ZNF44: variants seen among roughly 807,000 people sequenced by gnomAD.
ZNF44 encodes zinc finger protein 44.
In ZNF44, 9 loss-of-function variants were observed where a neutral mutation model predicts 11.7. The ratio of observed to expected loss-of-function variants is 0.77; its 90% CI spans 0.46 to 1.35. ZNF44 has a LOEUF of 1.35. Among genes scored for constraint, ZNF44 ranks in the 40% most tolerant of loss-of-function variants. ZNF44 has a pLI of 0.00. For missense variants in ZNF44, 696 were observed against 743.1 expected, an observed-to-expected ratio of 0.94 and a Z score of 0.74; for synonymous variants, 224 against 242.7, an observed-to-expected ratio of 0.92 and a Z score of 0.72.
intron 1 of ZNF44, 83 bp from the exon 2 acceptor site, chr19:12,276,165 G>A (rs780311402): frequency 5.8e-6 from 9 of 1,544,360 alleles, no homozygotes; most frequent in African/African-American, 1.4e-5. Context: ...AACTTCCCAT[G>A]ATGCTGTGGT....
Position 12,288,786 on chromosome 19 carries a change from A to G in ZNF44, c.3+5906T>C, listed in dbSNP as rs1398619190. Among the ~76,000 whole-genome samples the G allele has an allele frequency of 3.3e-4, 43 of 129,376 alleles. 2 individuals carry two copies. Among genetic ancestry groups the G allele is most frequent in the East Asian group, 1.2e-3 (5 of 4,264 alleles). 84.9% of individuals were successfully genotyped at this position (129,376 alleles called of 152,430 possible). On this transcript the variant is annotated intron_variant, in intron 1 of 3. Coordinates refer to ENST00000355684, the MANE Select transcript of ZNF44 (RefSeq NM_016264.4). ...AAAAAAAAAAAATGTATATATATAT[A>G]TATATATATATATATATATGAAATC...
chr19:12,269,167 C>T (rs1346284632), downstream of ZNF44, among the ~76,000 whole-genome samples: 1 of 152,176 alleles, frequency 6.6e-6, no homozygotes, highest in Non-Finnish European at 1.5e-5. Flanking sequence ...GAGTGAGCGA[C>T]CACTGCTGGA....
At chr19:12,267,263 C>T (rs1265719821), downstream of ZNF44, among the ~76,000 whole-genome samples, 3 of 151,940 alleles carry the variant, frequency 2.0e-5, no homozygotes, top group South Asian at 2.1e-4. Flanking sequence ...AGGCTGGTCT[C>T]GAACTCCTGA....
In ZNF44 at chr19:12,276,096, T is replaced by C. The variant is rs762675995; in HGVS notation, c.4-14A>G. 9 of 1,597,732 alleles carry C rather than the reference T, an allele frequency of 5.6e-6. No homozygotes were observed. The South Asian group carries it at 8.8e-5, about 16-fold the overall frequency. ...GGCCACTGAGTCCTGAAACATCCCA[T>C]ATGTCCAGAAAAGGAAGGTTGAAAC... On this transcript the variant is annotated splice_polypyrimidine_tract_variant and intron_variant, in intron 1 of 3. Transcript: ENST00000355684.
At chr19:12,266,148 C>T (rs1190188023) in intron 5 of ZNF44, 6 of 649,322 alleles carry the variant, frequency 9.2e-6, no homozygotes, top group East Asian at 1.4e-4. Context: ...GACCGAGGGC[C>T]GAGCTGTGCC....
intron 2 of ZNF44, 49 bp from the exon 3 acceptor site, chr19:12,275,082 C>A (rs775567523): frequency 7.1e-7 from 1 of 1,401,802 alleles, no homozygotes. Flanking sequence ...CAAAATGATA[C>A]AAAAATTGTT....
At chr19:12,259,493 C>T (rs1917406412) in intron 5 of ZNF44, among the ~76,000 whole-genome samples, 1 of 152,200 alleles carries the variant, frequency 6.6e-6, no homozygotes, top group African/African-American at 2.4e-5. Flanking sequence ...TCCTTTAATA[C>T]ATTTCCAACT....
intron 1 of ZNF44, 87 bp from the exon 2 acceptor site, chr19:12,276,169 C>T (rs1967211593): frequency 2.6e-6 from 4 of 1,538,698 alleles, no homozygotes; most frequent in Non-Finnish European, 3.5e-6. Context: ...TCCCATGATG[C>T]TGTGGTTTCC....
chr19:12,251,957 A>G (rs921665011), intron 5 of ZNF44, among the ~76,000 whole-genome samples: 3 of 152,036 alleles, frequency 2.0e-5, no homozygotes, highest in Admixed American at 6.5e-5. Flanking sequence ...AGGCTGAGGC[A>G]GGATAATTGC....
chr19:12,282,710 A>G (rs1967534874), intron 1 of ZNF44, among the ~76,000 whole-genome samples: 1 of 152,122 alleles, frequency 6.6e-6, no homozygotes, highest in South Asian at 2.1e-4. Context: ...GGCATGAGAT[A>G]CCACGCCTGG....
intron 1 of ZNF44, among the ~76,000 whole-genome samples, chr19:12,288,780 A>G (rs369173186): frequency 2.3e-4 from 27 of 115,504 alleles, no homozygotes; most frequent in Admixed American, 4.8e-4. Flanking sequence ...AAATGTATAT[A>G]TATATATATA....
At chr19:12,288,694 G>T (rs1967860159) in intron 1 of ZNF44, among the ~76,000 whole-genome samples, 1 of 146,920 alleles carries the variant, frequency 6.8e-6, no homozygotes, top group South Asian at 2.2e-4. Flanking sequence ...GGAGGCGGAG[G>T]TTGCAGTGAG....
At chr19:12,267,868 G>T (rs1389385132), downstream of ZNF44, among the ~76,000 whole-genome samples, 3 of 147,008 alleles carry the variant, frequency 2.0e-5, no homozygotes, top group Admixed American at 1.4e-4. Context: ...ACAGAGTCTT[G>T]CTCTGTCAAC....
exon 8 of ZNF44, chr19:12,248,235 G>A: frequency 1.5e-6 from 2 of 1,301,638 alleles, no homozygotes; most frequent in Non-Finnish European, 2.0e-6. Context: ...ATGTTTTTGA[G>A]CAGATTGGTG....
exon 4 of ZNF44, chr19:12,226,369 TACCACAGATCGGAA>T (rs571390094): frequency 3.3e-5 from 5 of 152,324 alleles, no homozygotes; most frequent in South Asian, 4.1e-4. Context: ...ATTCTTTACT[TACCACAGATCGGAA>T]ACCCTGTACA....
chr19:12,257,076 A>G (rs1015732648), intron 5 of ZNF44, among the ~76,000 whole-genome samples: 16 of 152,192 alleles, frequency 1.1e-4, no homozygotes, highest in African/African-American at 3.9e-4. Flanking sequence ...AGATCTTGCC[A>G]GCAAAGACTG....
In ZNF44 at chr19:12,274,042, A is replaced by C; in HGVS notation, c.213T>G (p.Phe71Leu). 6.2e-7 allele frequency: 1 copy of C among 1,612,672 alleles called. No homozygotes were observed. The highest frequency in any genetic ancestry group is 1.1e-5 in the South Asian group (1 of 90,996). ...RNPRCDVVER[F>L]GKSKDGSQCG... ...ACTGACTACCATCTTTACTTTTACC[A>C]AATCTCTCTACCACATCACACCTGT... The change falls in exon 4 of 4, where the codon TTT becomes TTG. Residue 71 changes from phenylalanine (F) to leucine (L), a missense_variant. Physicochemically the swap from Phe to Leu is conservative, Grantham distance 22. Coordinates refer to ENST00000355684, the MANE Select transcript of ZNF44 (RefSeq NM_016264.4).
At chr19:12,233,252 A>G (rs11668116) in intron 2 of ZNF44, among the ~76,000 whole-genome samples, 21,051 of 150,800 alleles carry the variant, frequency 0.14, 1,538 homozygotes, top group African/African-American at 0.17. Flanking sequence ...CAAGCTTGTA[A>G]TAAGCCCCCT....
chr19:12,283,942 A>G (rs756242639), intron 1 of ZNF44, among the ~76,000 whole-genome samples: 2 of 152,208 alleles, frequency 1.3e-5, no homozygotes, highest in Non-Finnish European at 2.9e-5. Flanking sequence ...TGAGCTGATT[A>G]TGCCACTGCA....
Sources: allele counts gnomAD v4.1 joint callset (sites outside exome capture counted in the v4.1 genomes callset), GRCh38; gene constraint gnomAD v4.1.1; transcripts MANE v1.5; gene names NCBI Gene and HGNC (gene_info 2026-07-23, HGNC 2026-07-21).